TANGO6: variants seen among roughly 807,000 people sequenced by gnomAD.
The protein encoded by TANGO6 is transport and golgi organization 6 homolog.
TANGO6 carries 90 observed loss-of-function variants against 114.2 expected under a neutral mutation model. That is an observed-to-expected ratio of 0.79 (90% CI 0.66 to 0.94). TANGO6 has a LOEUF of 0.94. TANGO6 is among the 40% of genes least tolerant of loss of function. TANGO6 has a pLI of 0.00. For missense variants in TANGO6, 1,274 were observed against 1,315.3 expected (o/e 0.97, Z 0.49); for synonymous variants, 477 against 509.8 (o/e 0.94, Z 0.87).
intron 15 of TANGO6, among the ~76,000 whole-genome samples, chr16:69,015,638 C>T (rs959980169): frequency 9.2e-5 from 14 of 151,846 alleles, no homozygotes; most frequent in East Asian, 1.9e-4. Flanking sequence ...CCCGCCACCA[C>T]GCCCAGATAA....
chr16:69,021,128 G>A (rs79615760), intron 15 of TANGO6, among the ~76,000 whole-genome samples: 3,120 of 152,074 alleles, frequency 0.021, 117 homozygotes, highest in African/African-American at 0.071. Context: ...TCCTCCAAAG[G>A]CCTCTCATTG....
In TANGO6 at chr16:68,924,428, A is replaced by G. The variant is rs1039171941; in HGVS notation, c.2128-3140A>G. Among the ~76,000 whole-genome samples, 16 of 151,864 alleles carry G rather than the reference A, an allele frequency of 1.1e-4. 1 individual carries two copies. On this transcript the variant is annotated intron_variant, in intron 12 of 17. Transcript: ENST00000261778. ...CTTGAACCCAAGAGGCAGAAGTTGC[A>G]GTGAGCTGAGATCACACCATTGCAC...
At chr16:68,946,260 C>T (rs183462104) in intron 14 of TANGO6, among the ~76,000 whole-genome samples, 81 of 151,370 alleles carry the variant, frequency 5.4e-4, no homozygotes, top group African/African-American at 1.7e-3. Context: ...GGCACGATCT[C>T]GGCTCACTGC....
intron 5 of TANGO6, among the ~76,000 whole-genome samples, chr16:68,875,683 G>A (rs1043593362): frequency 5.9e-5 from 9 of 151,864 alleles, no homozygotes; most frequent in Non-Finnish European, 7.4e-5. Flanking sequence ...GCAGGAGAAC[G>A]GATTGAACCC....
At chr16:68,872,293 C>G (rs1055087191) in intron 4 of TANGO6, among the ~76,000 whole-genome samples, 1 of 150,672 alleles carries the variant, frequency 6.6e-6, no homozygotes, top group African/African-American at 2.4e-5. Context: ...GGGGTCTGTT[C>G]TACTGATTTT....
At chr16:68,976,517 C>G (rs1219848911) in intron 15 of TANGO6, among the ~76,000 whole-genome samples, 1 of 152,184 alleles carries the variant, frequency 6.6e-6, no homozygotes, top group African/African-American at 2.4e-5. Context: ...AGATGAATTT[C>G]TCCATAAGCC....
intron 6 of TANGO6, among the ~76,000 whole-genome samples, chr16:68,878,483 CTT>C (rs1962405154): frequency 6.6e-6 from 1 of 152,114 alleles, no homozygotes; most frequent in Admixed American, 6.6e-5. Flanking sequence ...GACCGAATAA[CTT>C]TACATTTTGG....
At position 68,919,129 on chromosome 16, in the gene TANGO6, C is replaced by T; in HGVS notation, c.2037C>T (p.Ser679=). Reference sequence around the variant, plus strand: ...CAACATTGCAGAGAGCCTGTGCAAGCCTGGCCCATCAGGCAGAGAGCACCG... The same window carrying T: ...CAACATTGCAGAGAGCCTGTGCAAGTCTGGCCCATCAGGCAGAGAGCACCG... The part of the protein sequence containing the change: ...VAATLQRACA[S]LAHQAESTVE... Residue 679 remains serine (S), a synonymous_variant, in exon 12 of 18, where the codon AGC becomes AGT. Transcript: ENST00000261778. The T allele has an allele frequency of 6.2e-7, 1 of 1,613,094 alleles. No individual in the cohort carries two copies. Among genetic ancestry groups the T allele is most frequent in the Non-Finnish European group, 8.5e-7 (1 of 1,179,618 alleles).
At chr16:69,062,679 G>T (rs111307279) in intron 17 of TANGO6, among the ~76,000 whole-genome samples, 3 of 150,700 alleles carry the variant, frequency 2.0e-5, no homozygotes, top group Admixed American at 1.3e-4. Context: ...CACCATGTGG[G>T]CGAGGCTGGT....
At chr16:69,016,347 G>A (rs979320406) in intron 15 of TANGO6, among the ~76,000 whole-genome samples, 9 of 151,522 alleles carry the variant, frequency 5.9e-5, no homozygotes, top group Admixed American at 2.0e-4. Flanking sequence ...GCGGTGAGCC[G>A]AGATTGCGCT....
intron 1 of TANGO6, among the ~76,000 whole-genome samples, chr16:68,847,895 G>A (rs893942654): frequency 4.6e-5 from 7 of 151,592 alleles, no homozygotes; most frequent in Non-Finnish European, 4.4e-5. Flanking sequence ...AGCTACTCGG[G>A]AGGCTGAGGC....
intron 15 of TANGO6, among the ~76,000 whole-genome samples, chr16:69,019,100 A>G (rs893710271): frequency 6.6e-6 from 1 of 152,198 alleles, no homozygotes. Flanking sequence ...TAATCACTGC[A>G]TAGTAATCCG....
At chr16:68,948,145 C>T (rs1323327402) in intron 14 of TANGO6, 1 of 151,952 alleles carries the variant, frequency 6.6e-6, no homozygotes, top group East Asian at 1.9e-4. Flanking sequence ...CAGTGGTTTC[C>T]TTTATCAATC....
chr16:68,870,074 A>G (rs188114020), intron 4 of TANGO6, among the ~76,000 whole-genome samples: 5 of 152,216 alleles, frequency 3.3e-5, no homozygotes, highest in Non-Finnish European at 7.4e-5. Flanking sequence ...AGAAATATCT[A>G]TCTGGAGGTA....
chr16:68,911,723 G>A (rs950476023), intron 11 of TANGO6, among the ~76,000 whole-genome samples: 2 of 152,078 alleles, frequency 1.3e-5, no homozygotes, highest in African/African-American at 4.8e-5. Context: ...CCAATTTATA[G>A]TTTCTAAATA....
At chr16:69,019,625 C>T (rs1391259185) in intron 15 of TANGO6, among the ~76,000 whole-genome samples, 1 of 151,092 alleles carries the variant, frequency 6.6e-6, no homozygotes, top group East Asian at 1.9e-4. Context: ...GCATTTGCCA[C>T]ACAGTTCTAT....
In TANGO6 at chr16:68,977,847, G is replaced by A. The variant is rs925643498; in HGVS notation, c.2842+3679G>A. ...ACCACAGGCCCACACCACCACGCCC[G>A]GCTAATTTTTGTATTTTTAGTAGAG... On this transcript the variant is annotated intron_variant, in intron 15 of 17. Transcript: ENST00000261778. Among the ~76,000 whole-genome samples, 10 of 151,594 alleles carry A rather than the reference G, an allele frequency of 6.6e-5. No individual in the cohort carries two copies. The East Asian group carries it at 1.4e-3, about 21-fold the overall frequency.
chr16:69,011,618 C>T (rs1428070796), intron 15 of TANGO6, among the ~76,000 whole-genome samples: 1 of 152,016 alleles, frequency 6.6e-6, no homozygotes, highest in Non-Finnish European at 1.5e-5. Context: ...CCATACCCAG[C>T]TAATTTTTAA....
chr16:69,038,806 G>A (rs946761549), intron 16 of TANGO6, among the ~76,000 whole-genome samples: 1 of 152,150 alleles, frequency 6.6e-6, no homozygotes, highest in East Asian at 1.9e-4. Flanking sequence ...ACTTTGGGAG[G>A]TGGACGCGGG....
Sources: allele counts gnomAD v4.1 joint callset (sites outside exome capture counted in the v4.1 genomes callset), GRCh38; gene constraint gnomAD v4.1.1; transcripts MANE v1.5; gene names NCBI Gene and HGNC (gene_info 2026-07-23, HGNC 2026-07-21).